WWOX: variants seen among roughly 807,000 people sequenced by gnomAD.
WWOX encodes WW domain-containing oxidoreductase.
Under a neutral mutation model 46.2 loss-of-function variants are expected in WWOX, and 69 were observed. That is an observed-to-expected ratio of 1.49 (90% CI 1.23 to 1.82). The LOEUF (loss-of-function observed/expected upper bound fraction) is 1.82, where lower values mean the gene tolerates loss of function less well. WWOX is among the 40% of genes most tolerant of loss of function. The probability of loss-of-function intolerance (pLI) is 0.00; values close to 1 mark genes in which losing one functional copy is unlikely to be tolerated. For missense variants in WWOX, 919 were observed against 542.6 expected, an observed-to-expected ratio of 1.69 and a Z score of -6.89; for synonymous variants, 359 against 202.6, an observed-to-expected ratio of 1.77 and a Z score of -6.56.
At chr16:78,895,346 C>G (rs929061071) in intron 8 of WWOX, 2 of 152,188 alleles carry the variant, frequency 1.3e-5, no homozygotes, top group Non-Finnish European at 2.9e-5. Flanking sequence ...CTTCCTTTCT[C>G]ATTCCCAGTA....
intron 4 of WWOX, among the ~76,000 whole-genome samples, chr16:78,129,266 C>T (rs892170075): frequency 6.7e-6 from 1 of 149,252 alleles, no homozygotes; most frequent in Non-Finnish European, 1.5e-5. Context: ...TAGTGATTGA[C>T]TTACCCGAGT....
chr16:78,601,459 G>GA (rs914196441), intron 8 of WWOX, among the ~76,000 whole-genome samples: 2 of 150,920 alleles, frequency 1.3e-5, no homozygotes, highest in East Asian at 3.9e-4. Flanking sequence ...AAAAAGAAAG[G>GA]AAAAAAACCA....
At chr16:78,167,823 C>G (rs911407990) in intron 5 of WWOX, 1 of 152,248 alleles carries the variant, frequency 6.6e-6, no homozygotes, top group African/African-American at 2.4e-5. Flanking sequence ...CATCCCCCAA[C>G]TCCTTGACCC....
chr16:78,614,033 A>G (rs1340449409), intron 8 of WWOX, among the ~76,000 whole-genome samples: 1 of 152,170 alleles, frequency 6.6e-6, no homozygotes, highest in Admixed American at 6.5e-5. Flanking sequence ...AGCCTAAAAT[A>G]TTTACTATCT....
At chr16:78,671,266 T>C (rs1006318729) in intron 8 of WWOX, among the ~76,000 whole-genome samples, 2 of 151,792 alleles carry the variant, frequency 1.3e-5, no homozygotes, top group Non-Finnish European at 2.9e-5. Context: ...CTACAAAAAA[T>C]ACCAAAAAAT....
At chr16:78,412,648 G>A (rs79814265) in intron 6 of WWOX, among the ~76,000 whole-genome samples, 2,410 of 152,236 alleles carry the variant, frequency 0.016, 74 homozygotes, top group African/African-American at 0.056. Context: ...AGAAGTGAGG[G>A]AGGAGCAGGA....
At chr16:78,827,553 C>G (rs1052808892) in intron 8 of WWOX, among the ~76,000 whole-genome samples, 2 of 152,034 alleles carry the variant, frequency 1.3e-5, no homozygotes, top group African/African-American at 4.8e-5. Context: ...GAAAAAGGGG[C>G]TGGGTGTGGT....
At chr16:78,703,514 G>T (rs914810784) in intron 8 of WWOX, among the ~76,000 whole-genome samples, 15 of 152,034 alleles carry the variant, frequency 9.9e-5, no homozygotes, top group African/African-American at 3.6e-4. Flanking sequence ...TACTCAGAGG[G>T]AGGCTGAAGC....
At chr16:79,054,934 T>C (rs1237453176) in intron 8 of WWOX, among the ~76,000 whole-genome samples, 2 of 152,232 alleles carry the variant, frequency 1.3e-5, no homozygotes, top group African/African-American at 4.8e-5. Flanking sequence ...TTGCAGCAAA[T>C]ACCAAGTGAG....
intron 5 of WWOX, among the ~76,000 whole-genome samples, chr16:78,309,321 A>G (rs959199986): frequency 6.6e-6 from 1 of 152,022 alleles, no homozygotes; most frequent in Admixed American, 6.6e-5. Flanking sequence ...CTTTGCTTCC[A>G]CTCTGCCCTG....
At chr16:78,473,470 C>T (rs2084279756) in intron 8 of WWOX, among the ~76,000 whole-genome samples, 1 of 152,152 alleles carries the variant, frequency 6.6e-6, no homozygotes, top group African/African-American at 2.4e-5. Context: ...TAACTGATTG[C>T]AGCAGGTTAG....
chr16:78,620,928 C>T (rs942860980), intron 8 of WWOX, among the ~76,000 whole-genome samples: 3 of 152,126 alleles, frequency 2.0e-5, no homozygotes, highest in Non-Finnish European at 4.4e-5. Flanking sequence ...TTCACTTACC[C>T]AGATTGTGTT....
intron 8 of WWOX, among the ~76,000 whole-genome samples, chr16:78,839,713 T>A (rs888324406): frequency 6.6e-6 from 1 of 152,078 alleles, no homozygotes; most frequent in African/African-American, 2.4e-5. Flanking sequence ...GGAAAATACA[T>A]CCCTGGTGAT....
chr16:78,221,574 A>T (rs3751775), intron 5 of WWOX, among the ~76,000 whole-genome samples: 3 of 152,048 alleles, frequency 2.0e-5, no homozygotes, highest in Non-Finnish European at 4.4e-5. Context: ...GAAAAAGAGA[A>T]GTAGATAAGA....
At chr16:78,865,326 G>A (rs758877014) in intron 8 of WWOX, among the ~76,000 whole-genome samples, 1 of 151,902 alleles carries the variant, frequency 6.6e-6, no homozygotes, top group Admixed American at 6.6e-5. Flanking sequence ...CAACTTGCAA[G>A]ACTTATTAAA....
intron 8 of WWOX, among the ~76,000 whole-genome samples, chr16:78,968,130 GGT>G (rs2046399052): frequency 1.4e-4 from 1 of 7,218 alleles, no homozygotes; most frequent in Admixed American, 1.3e-3. Flanking sequence ...CACAGCGCGT[GGT>G]CCGTGTGGCA....
chr16:79,174,835 AGAT>A (rs1317455277), intron 8 of WWOX, among the ~76,000 whole-genome samples: 10 of 152,260 alleles, frequency 6.6e-5, no homozygotes, highest in African/African-American at 2.4e-4. Context: ...AAGAGTAAAA[AGAT>A]GATGAATAAA....
At chr16:78,364,757 C>T (rs1168106928) in intron 5 of WWOX, among the ~76,000 whole-genome samples, 2 of 152,090 alleles carry the variant, frequency 1.3e-5, no homozygotes, top group African/African-American at 4.8e-5. Flanking sequence ...AATGTGCTAC[C>T]CTGTGTATGT....
chr16:78,180,913 A>T (rs554709103), intron 5 of WWOX, among the ~76,000 whole-genome samples: 4 of 152,270 alleles, frequency 2.6e-5, no homozygotes, highest in African/African-American at 9.6e-5. Context: ...CGAAGTTAGT[A>T]AAGGCTTTAA....
Sources: allele counts gnomAD v4.1 joint callset (sites outside exome capture counted in the v4.1 genomes callset), GRCh38; gene constraint gnomAD v4.1.1; transcripts MANE v1.5; gene names NCBI Gene and HGNC (gene_info 2026-07-23, HGNC 2026-07-21).